The following ATP9A variants were observed in gnomAD, a reference collection of about 807,000 sequenced individuals.
ATP9A encodes the protein probable phospholipid-transporting ATPase IIA.
ATP9A carries 52 observed loss-of-function variants against 144.1 expected under a neutral mutation model. That is an observed-to-expected ratio of 0.36 (90% CI 0.29 to 0.45). ATP9A has a LOEUF of 0.45. Among genes scored for constraint, ATP9A ranks in the 20% least tolerant of loss-of-function variants. The pLI is 1.00. For synonymous variants in ATP9A, 582 were observed against 557.4 expected (o/e 1.04, Z -0.62); for missense variants, 947 against 1,392.7 (o/e 0.68, Z 5.09).
chr20:51,690,096 A>G (rs868072636), intron 8 of ATP9A, among the ~76,000 whole-genome samples: 1 of 127,908 alleles, frequency 7.8e-6, no homozygotes, highest in African/African-American at 2.9e-5. Flanking sequence ...TAGGCGACAG[A>G]AGGAGACCGT....
intron 1 of ATP9A, among the ~76,000 whole-genome samples, chr20:51,765,744 TCAGGA>T (rs1037028519): frequency 6.6e-6 from 1 of 151,280 alleles, no homozygotes; most frequent in Non-Finnish European, 1.5e-5. Flanking sequence ...TCACCTGAGG[TCAGGA>T]GTTCAAGACC....
At chr20:51,766,793 T>C (rs2077905970) in intron 1 of ATP9A, among the ~76,000 whole-genome samples, 1 of 151,910 alleles carries the variant, frequency 6.6e-6, no homozygotes, top group South Asian at 2.1e-4. Flanking sequence ...TGAGCCGAGA[T>C]CTCGCCACAG....
intron 19 of ATP9A, among the ~76,000 whole-genome samples, chr20:51,620,980 C>T (rs1269959189): frequency 6.6e-6 from 1 of 151,962 alleles, no homozygotes; most frequent in Non-Finnish European, 1.5e-5. Flanking sequence ...AAACCCGTCT[C>T]TACTAAAAAC....
rs996465651 is a variant in ATP9A at position 51,695,966 on chromosome 20, G to C, written c.547+127C>G. The C allele has an allele frequency of 5.0e-6, 4 of 805,636 alleles. No homozygotes were observed. The Admixed American group carries it at 7.2e-5, about 15-fold the overall frequency. 49.9% of individuals were successfully genotyped at this position (805,636 alleles called of 1,614,324 possible). ...TTAAAAAGCACGGTCTATTTAAAAAGATGCTTTTGATTTGCCTCCATGGCT... is the reference window on the plus strand; with the variant it reads ...TTAAAAAGCACGGTCTATTTAAAAACATGCTTTTGATTTGCCTCCATGGCT... On this transcript the variant is annotated intron_variant, in intron 6 of 27. Transcript: ENST00000338821.
At chr20:51,676,001 C>CAT in intron 10 of ATP9A, 131 bp downstream of exon 10, 1 of 631,336 alleles carries the variant, frequency 1.6e-6, no homozygotes, top group Non-Finnish European at 2.8e-6. Flanking sequence ...CACACACACA[C>CAT]ATATGCATAA....
At chr20:51,749,282 A>G (rs1218006627) in intron 1 of ATP9A, among the ~76,000 whole-genome samples, 1 of 151,508 alleles carries the variant, frequency 6.6e-6, no homozygotes, top group Middle Eastern at 3.4e-3. Context: ...TTTTTTTTTG[A>G]GACGGAGTCT....
chr20:51,735,002 A>T (rs2077757450), intron 1 of ATP9A: 1 of 204,320 alleles, frequency 4.9e-6, no homozygotes, highest in Non-Finnish European at 1.0e-5. Context: ...CCCAGACTGC[A>T]GCTCCAGCTT....
intron 14 of ATP9A, among the ~76,000 whole-genome samples, chr20:51,643,690 G>C (rs538357475): frequency 6.6e-6 from 1 of 152,266 alleles, no homozygotes; most frequent in African/African-American, 2.4e-5. Flanking sequence ...TTGTTTACAA[G>C]ATACCCAGTT....
At chr20:51,743,176 T>C (rs909896537) in intron 1 of ATP9A, among the ~76,000 whole-genome samples, 1 of 152,136 alleles carries the variant, frequency 6.6e-6, no homozygotes, top group African/African-American at 2.4e-5. Context: ...AGCCACACCC[T>C]GCGTGTTGCA....
chr20:51,685,707 C>T (rs963623441), intron 9 of ATP9A, among the ~76,000 whole-genome samples: 1 of 152,154 alleles, frequency 6.6e-6, no homozygotes, highest in African/African-American at 2.4e-5. Flanking sequence ...ATTAAAAACT[C>T]AGGAAACAGC....
At chr20:51,697,829 CG>C (rs1601111843) in intron 4 of ATP9A, among the ~76,000 whole-genome samples, 1 of 151,908 alleles carries the variant, frequency 6.6e-6, no homozygotes, top group South Asian at 2.1e-4. Flanking sequence ...TGCAAAGTAC[CG>C]GGGGAAAAAA....
intron 1 of ATP9A, among the ~76,000 whole-genome samples, chr20:51,730,200 G>A (rs1037383069): frequency 3.9e-5 from 6 of 152,194 alleles, no homozygotes; most frequent in Non-Finnish European, 8.8e-5. Context: ...CAGGCGCGGT[G>A]GCTCACACCT....
At position 51,601,168 on chromosome 20, in the gene ATP9A, A is replaced by G; in HGVS notation, c.*43T>C. 6.5e-7 allele frequency: 1 copy of G among 1,544,888 alleles called. No homozygotes were observed. Among genetic ancestry groups the G allele is most frequent in the Non-Finnish European group, 8.7e-7 (1 of 1,146,714 alleles). On this transcript the variant is annotated 3_prime_UTR_variant, in exon 28 of 28. Coordinates refer to ENST00000338821, the MANE Select transcript of ATP9A (RefSeq NM_006045.3). Reference sequence around the variant, plus strand: ...AAATGGAACTTGAGCTCTGTCCATCAGGGAAGCGCCAAGACCAGGGCCCCC... The same window carrying G: ...AAATGGAACTTGAGCTCTGTCCATCGGGGAAGCGCCAAGACCAGGGCCCCC...
chr20:51,621,977 C>T (rs2122724491), intron 19 of ATP9A, 97 bp downstream of exon 19: 1 of 1,054,202 alleles, frequency 9.5e-7, no homozygotes, highest in Non-Finnish European at 1.4e-6. Context: ...AATTCACATG[C>T]TGCCCCTCCC....
At chr20:51,736,379 TC>T (rs913516179) in intron 1 of ATP9A, among the ~76,000 whole-genome samples, 2 of 151,934 alleles carry the variant, frequency 1.3e-5, no homozygotes, top group African/African-American at 4.8e-5. Flanking sequence ...TTTTAAAAGG[TC>T]CCCCAGGCCA....
chr20:51,669,174 G>A (rs1233171972), intron 13 of ATP9A, among the ~76,000 whole-genome samples: 4 of 152,098 alleles, frequency 2.6e-5, no homozygotes, highest in Non-Finnish European at 5.9e-5. Context: ...CCAAAGCCAC[G>A]CCCTGCCCTA....
rs562113543 is a variant in ATP9A at position 51,653,805 on chromosome 20, C to A, written c.1506+3133G>T. On this transcript the variant is annotated intron_variant, in intron 14 of 27. Transcript: ENST00000338821. The stretch of plus-strand genomic sequence containing the variant: ...AAAAGGCCTGGCACGGTGGCTCACG[C>A]CTGTAGTCCCAGCACTATGGGAGGC... 5.3e-5 allele frequency among the ~76,000 whole-genome samples: 8 copies of A among 151,972 alleles called. 1 individual carries two copies. In the East Asian group the frequency reaches 1.5e-3, roughly 29 times the overall value.
chr20:51,679,025 T>C (rs1356943710), intron 9 of ATP9A, among the ~76,000 whole-genome samples: 1 of 151,166 alleles, frequency 6.6e-6, no homozygotes, highest in Non-Finnish European at 1.5e-5. Context: ...AGCTTGCCTA[T>C]CTAAAAAAAA....
intron 14 of ATP9A, among the ~76,000 whole-genome samples, chr20:51,643,089 T>C (rs2077327794): frequency 6.6e-6 from 1 of 152,230 alleles, no homozygotes; most frequent in South Asian, 2.1e-4. Flanking sequence ...GATATCGAGT[T>C]CAGTTTCTGT....
Sources: allele counts gnomAD v4.1 joint callset (sites outside exome capture counted in the v4.1 genomes callset), GRCh38; gene constraint gnomAD v4.1.1; transcripts MANE v1.5; gene names NCBI Gene and HGNC (gene_info 2026-07-23, HGNC 2026-07-21).